The following RSRC1 variants were observed in gnomAD, a reference collection of about 807,000 sequenced individuals.
RSRC1 encodes serine/Arginine-related protein 53.
A neutral mutation model predicts 49.1 loss-of-function variants in RSRC1; 39 were observed. The ratio of observed to expected loss-of-function variants is 0.79; its 90% CI spans 0.61 to 1.04. The LOEUF (loss-of-function observed/expected upper bound fraction) is 1.04, where lower values mean the gene tolerates loss of function less well. RSRC1 is among the 50% of genes least tolerant of loss of function. The pLI is 0.00. For synonymous variants in RSRC1, 143 were observed against 130.8 expected (o/e 1.09, Z -0.63); for missense variants, 388 against 402.4 (o/e 0.96, Z 0.31).
At chr3:158,445,376 C>T (rs1736644364) in intron 6 of RSRC1, among the ~76,000 whole-genome samples, 1 of 151,994 alleles carries the variant, frequency 6.6e-6, no homozygotes, top group South Asian at 2.1e-4. Context: ...AAGCTGGAAA[C>T]CATCATTCTC....
intron 3 of RSRC1, among the ~76,000 whole-genome samples, chr3:158,172,261 A>G (rs1359836905): frequency 6.6e-6 from 1 of 152,196 alleles, no homozygotes; most frequent in African/African-American, 2.4e-5. Context: ...ATGCCCAGAC[A>G]TATTATAATC....
At chr3:158,312,463 A>G (rs1317421648) in intron 5 of RSRC1, among the ~76,000 whole-genome samples, 1 of 152,188 alleles carries the variant, frequency 6.6e-6, no homozygotes, top group Non-Finnish European at 1.5e-5. Context: ...ATGAAGTGTA[A>G]TTTAATAAAT....
At chr3:158,176,879 T>C (rs1047648137) in intron 3 of RSRC1, among the ~76,000 whole-genome samples, 1 of 151,804 alleles carries the variant, frequency 6.6e-6, no homozygotes. Flanking sequence ...TGGGAGAAAA[T>C]TTTTGCAATC....
chr3:158,351,673 C>A (rs73170323), intron 5 of RSRC1, among the ~76,000 whole-genome samples: 20,430 of 151,548 alleles, frequency 0.13, 1,495 homozygotes, highest in Middle Eastern at 0.2. Flanking sequence ...TCCTGAGTAT[C>A]CTAGTGATTT....
At chr3:158,207,662 T>TAGATAGATAGATAGATAGATAGACAGAC (rs55689613) in intron 4 of RSRC1, among the ~76,000 whole-genome samples, 139 of 149,054 alleles carry the variant, frequency 9.3e-4, no homozygotes, top group African/African-American at 3.2e-3. Context: ...GATAGATAGA[T>TAGATAGATAGATAGATAGATAGACAGAC]AGACAGAGAG....
At chr3:158,354,834 A>T (rs192696074) in intron 5 of RSRC1, 23 bp from the exon 6 acceptor site, 49 of 1,160,794 alleles carry the variant, frequency 4.2e-5, no homozygotes, top group African/African-American at 3.3e-4. Context: ...GTATGGTTGA[A>T]TTTTTTTTTT....
At chr3:158,177,243 G>A (rs1346863185) in intron 3 of RSRC1, among the ~76,000 whole-genome samples, 5 of 152,074 alleles carry the variant, frequency 3.3e-5, no homozygotes, top group African/African-American at 4.8e-5. Context: ...GTGATTCATC[G>A]AGGATCTAGA....
chr3:158,313,952 G>GAGACA (rs1455003759), intron 5 of RSRC1, among the ~76,000 whole-genome samples: 1 of 152,152 alleles, frequency 6.6e-6, no homozygotes, highest in African/African-American at 2.4e-5. Flanking sequence ...CCATAAAGGT[G>GAGACA]AGACAAAAAA....
chr3:158,298,706 T>C (rs927801735), intron 5 of RSRC1, among the ~76,000 whole-genome samples: 1 of 152,132 alleles, frequency 6.6e-6, no homozygotes, highest in Admixed American at 6.6e-5. Flanking sequence ...GAGCCCACTG[T>C]ATTGAGTGTT....
intron 3 of RSRC1, among the ~76,000 whole-genome samples, chr3:158,133,570 C>A (rs1385862295): frequency 6.6e-6 from 1 of 152,146 alleles, no homozygotes; most frequent in Non-Finnish European, 1.5e-5. Context: ...ATTTTGCCTT[C>A]TTGCAATCTT....
At chr3:158,212,583 T>C (rs1476374061) in intron 4 of RSRC1, among the ~76,000 whole-genome samples, 1 of 151,932 alleles carries the variant, frequency 6.6e-6, no homozygotes, top group Non-Finnish European at 1.5e-5. Flanking sequence ...TCACCTATTC[T>C]GTTGATTTTG....
At chr3:158,321,624 G>C (rs552117316) in intron 5 of RSRC1, among the ~76,000 whole-genome samples, 19 of 150,396 alleles carry the variant, frequency 1.3e-4, no homozygotes, top group African/African-American at 4.1e-4. Context: ...TAGTCTGACT[G>C]TATTAAGTTG....
chr3:158,165,791 C>G (rs1718496705), intron 3 of RSRC1, among the ~76,000 whole-genome samples: 1 of 152,206 alleles, frequency 6.6e-6, no homozygotes, highest in Admixed American at 6.5e-5. Flanking sequence ...ATTCTTCCAA[C>G]AAACCCTTTT....
intron 3 of RSRC1, among the ~76,000 whole-genome samples, chr3:158,165,952 G>A (rs1718505660): frequency 6.6e-6 from 1 of 152,044 alleles, no homozygotes; most frequent in African/African-American, 2.4e-5. Context: ...AACATTTTAG[G>A]GCTTTTAAGG....
intron 4 of RSRC1, among the ~76,000 whole-genome samples, chr3:158,219,096 C>G (rs1410803211): frequency 6.6e-6 from 1 of 151,424 alleles, no homozygotes; most frequent in East Asian, 1.9e-4. Flanking sequence ...CTTAAACCAT[C>G]TGGAAGAATA....
At position 158,212,663 on chromosome 3, in the gene RSRC1, A is replaced by T. The variant is rs559701137; in HGVS notation, c.494+9418A>T. On this transcript the variant is annotated intron_variant, in intron 4 of 9. Coordinates refer to ENST00000611884, the MANE Select transcript of RSRC1 (RefSeq NM_001271838.2). The stretch of plus-strand genomic sequence containing the variant: ...ATTGAGATCTTTAACTGAAGGCCTT[A>T]GTGTTTGCCTTTAGTAAGGTTATGA... Among the ~76,000 whole-genome samples, 6 of 152,008 alleles carry T rather than the reference A, an allele frequency of 3.9e-5. No homozygotes were observed. In the East Asian group the frequency reaches 1.2e-3, roughly 30 times the overall value.
At chr3:158,121,312 GTT>G (rs1365345652) in intron 1 of RSRC1, among the ~76,000 whole-genome samples, 1 of 151,962 alleles carries the variant, frequency 6.6e-6, no homozygotes, top group Non-Finnish European at 1.5e-5. Context: ...AAATATATAT[GTT>G]TGTGTGTAAT....
chr3:158,503,328 TTGG>T (rs1441166075), intron 7 of RSRC1, among the ~76,000 whole-genome samples: 2 of 152,002 alleles, frequency 1.3e-5, no homozygotes, highest in African/African-American at 4.8e-5. Context: ...GTTCTTAGCT[TTGG>T]TGGTTTCATG....
chr3:158,298,294 A>G (rs951521656), intron 5 of RSRC1, among the ~76,000 whole-genome samples: 1 of 152,016 alleles, frequency 6.6e-6, no homozygotes, highest in Non-Finnish European at 1.5e-5. Context: ...TGATGTAGAG[A>G]TGAAATAAAA....
Sources: allele counts gnomAD v4.1 joint callset (sites outside exome capture counted in the v4.1 genomes callset), GRCh38; gene constraint gnomAD v4.1.1; transcripts MANE v1.5; gene names NCBI Gene and HGNC (gene_info 2026-07-23, HGNC 2026-07-21).